Variants in CNOT10 observed in about 807,000 individuals in gnomAD.
The protein encoded by CNOT10 is CCR4-NOT transcription complex subunit 10.
A neutral mutation model predicts 94.6 loss-of-function variants in CNOT10; 30 were observed. The observed-to-expected ratio is 0.32, with a 90% confidence interval of 0.24 to 0.43. The LOEUF is 0.43. CNOT10 is among the 20% of genes least tolerant of loss of function. The pLI is 1.00. For missense variants in CNOT10, 759 were observed against 877.2 expected (o/e 0.87, Z 1.70); for synonymous variants, 289 against 301.6 (o/e 0.96, Z 0.43).
At chr3:32,701,447 C>T (rs1250348907) in intron 1 of CNOT10, among the ~76,000 whole-genome samples, 1 of 152,094 alleles carries the variant, frequency 6.6e-6, no homozygotes, top group Non-Finnish European at 1.5e-5. Flanking sequence ...CTAATGATAT[C>T]GTGTAGCTCT....
At chr3:32,764,430 C>CAAA in intron 15 of CNOT10, 25 bp from the exon 16 acceptor site, 1 of 1,612,576 alleles carries the variant, frequency 6.2e-7, no homozygotes. Flanking sequence ...TTCTGCCCCT[C>CAAA]AGATTTATTT....
chr3:32,690,492 C>T (rs977916987), intron 1 of CNOT10, among the ~76,000 whole-genome samples: 1 of 152,132 alleles, frequency 6.6e-6, no homozygotes, highest in African/African-American at 2.4e-5. Context: ...TTAAGCAATC[C>T]TCTTGCCTTA....
rs1030733432 is a variant in CNOT10, at chr3:32,770,388, C to T, written c.2080+426C>T. Among the ~76,000 whole-genome samples the T allele has an allele frequency of 8.0e-4, 108 of 135,584 alleles. No individual in the cohort carries two copies. The Middle Eastern group carries it at 0.016, about 20-fold the overall frequency. The allele number at this position is 135,584 out of a possible 152,430, so 88.9% of individuals were successfully genotyped here. On this transcript the variant is annotated intron_variant, in intron 18 of 18. Coordinates refer to ENST00000328834, the MANE Select transcript of CNOT10 (RefSeq NM_015442.3). The stretch of plus-strand genomic sequence containing the variant: ...TAGCCCAGGCTGGAGTGCAGTGGCG[C>T]GATCTCGGCTCACTGCAAGTTCCGC...
intron 14 of CNOT10, among the ~76,000 whole-genome samples, chr3:32,760,521 A>G (rs1168842147): frequency 1.3e-5 from 2 of 151,966 alleles, no homozygotes; most frequent in African/African-American, 4.8e-5. Context: ...AATTCCAGCT[A>G]CTCGGGAAGT....
chr3:32,736,248 G>C (rs563396153), intron 12 of CNOT10, among the ~76,000 whole-genome samples: 2 of 151,896 alleles, frequency 1.3e-5, no homozygotes, highest in African/African-American at 4.8e-5. Flanking sequence ...CACTATGCCC[G>C]GCTAATTTTT....
chr3:32,690,532 G>A (rs1046213375), intron 1 of CNOT10, among the ~76,000 whole-genome samples: 6 of 151,130 alleles, frequency 4.0e-5, no homozygotes, highest in African/African-American at 1.5e-4. Flanking sequence ...CTACGGGTGT[G>A]TACTACTGTA....
chr3:32,704,829 T>C lies in CNOT10; in HGVS notation c.136T>C (p.Cys46Arg). ...TTTTTAGTCTGGAAATTATGATGCC[T>C]GTCTACAACACCTTGCCTGTCTACA... is the stretch of plus-strand genomic sequence containing the variant. Reference protein sequence around the residue: ...QAFTSGNYDACLQHLACLQDI... With the variant: ...QAFTSGNYDARLQHLACLQDI... Residue 46 changes from cysteine to arginine, a missense_variant, in exon 3 of 19, where the codon TGT becomes CGT. By Grantham distance (180) the Cys-to-Arg change is radical (BLOSUM62 -3). Transcript: ENST00000328834. The C allele has an allele frequency of 6.4e-7, 1 of 1,562,494 alleles. No individual in the cohort carries two copies. The highest frequency in any genetic ancestry group is 8.6e-7 in the Non-Finnish European group (1 of 1,164,518).
intron 13 of CNOT10, among the ~76,000 whole-genome samples, chr3:32,745,848 A>G (rs1016363129): frequency 6.6e-6 from 1 of 152,140 alleles, no homozygotes; most frequent in Admixed American, 6.6e-5. Flanking sequence ...AAAATTGGCC[A>G]GGCATGGTGC....
chr3:32,761,333 G>A (rs2125634383), intron 14 of CNOT10, among the ~76,000 whole-genome samples: 1 of 152,196 alleles, frequency 6.6e-6, no homozygotes, highest in East Asian at 1.9e-4. Flanking sequence ...GCCAATGTTG[G>A]GAATTGCAGC....
At position 32,713,344 on chromosome 3, in the gene CNOT10, A is replaced by G; in HGVS notation, c.548A>G (p.Asn183Ser). 6.3e-7 allele frequency: 1 copy of G among 1,597,364 alleles called. No individual in the cohort carries two copies. The highest frequency in any genetic ancestry group is 8.5e-7 in the Non-Finnish European group (1 of 1,176,038). Residue 183 changes from asparagine (N) to serine (S), a missense_variant, in exon 5 of 19, where the codon AAC becomes AGC. Physicochemically the swap from Asn to Ser is conservative, Grantham distance 46. Coordinates refer to ENST00000328834, the MANE Select transcript of CNOT10 (RefSeq NM_015442.3). ...AVLEKMISQGNNNKNGKNETG... is the reference protein window; with the variant it reads ...AVLEKMISQGSNNKNGKNETG... ...CTAGAAAAAATGATTTCACAGGGTAACAATAACAAAAATGGAAAGAATGAG... is the reference window on the plus strand; with the variant it reads ...CTAGAAAAAATGATTTCACAGGGTAGCAATAACAAAAATGGAAAGAATGAG...
At chr3:32,760,825 T>G (rs541426255) in intron 14 of CNOT10, among the ~76,000 whole-genome samples, 132 of 151,980 alleles carry the variant, frequency 8.7e-4, no homozygotes, top group Non-Finnish European at 1.5e-3. Context: ...CTAGTGTTTT[T>G]GTTTTTTTTT....
In CNOT10 at chr3:32,725,618, G is replaced by T; in HGVS notation, c.1012+19G>T. ...GATCCAGGTAAGCCCAGTACTGGGGGACAGTTTGTATTTACTACTTCAGAA... is the reference window on the plus strand; with the variant it reads ...GATCCAGGTAAGCCCAGTACTGGGGTACAGTTTGTATTTACTACTTCAGAA... On this transcript the variant is annotated intron_variant, in intron 9 of 18. Transcript: ENST00000328834. 6.3e-7 allele frequency: 1 copy of T among 1,584,634 alleles called. No individual in the cohort carries two copies. The highest frequency in any genetic ancestry group is 8.6e-7 in the Non-Finnish European group (1 of 1,166,610).
intron 4 of CNOT10, among the ~76,000 whole-genome samples, chr3:32,711,895 A>G (rs1697905869): frequency 6.6e-6 from 1 of 152,224 alleles, no homozygotes; most frequent in Non-Finnish European, 1.5e-5. Flanking sequence ...TTGGAGATAT[A>G]TGACCTTTGC....
At chr3:32,733,396 T>A in intron 10 of CNOT10, 27 bp from the exon 11 acceptor site, 1 of 1,520,178 alleles carries the variant, frequency 6.6e-7, no homozygotes, top group Non-Finnish European at 8.9e-7. Flanking sequence ...TCCCTTAAAT[T>A]TATTGGAAAT....
intron 13 of CNOT10, among the ~76,000 whole-genome samples, chr3:32,756,591 GA>G (rs1700233986): frequency 6.6e-6 from 1 of 152,184 alleles, no homozygotes; most frequent in Non-Finnish European, 1.5e-5. Flanking sequence ...GTGGGAGCTG[GA>G]AAAGAGTTGG....
Position 32,716,739 on chromosome 3 carries a change from C to A in CNOT10, c.661-415C>A, listed in dbSNP as rs188856797. ...CTCGGCTCGCTGCAACCTCTGCCTC[C>A]CAGTTTCAAGCGATTCTCCTGCCTC... On this transcript the variant is annotated intron_variant, in intron 6 of 18. Transcript: ENST00000328834. Among the ~76,000 whole-genome samples, 23 of 152,216 alleles carry A rather than the reference C, an allele frequency of 1.5e-4. 1 individual carries two copies. The highest frequency in any genetic ancestry group is 1.4e-3 in the Admixed American group (21 of 15,282).
chr3:32,703,212 CCG>C (rs1306258224), intron 1 of CNOT10, among the ~76,000 whole-genome samples: 2 of 151,820 alleles, frequency 1.3e-5, no homozygotes, highest in Non-Finnish European at 2.9e-5. Context: ...GCGTGAGCCA[CCG>C]TGCCTGGCAA....
intron 13 of CNOT10, among the ~76,000 whole-genome samples, chr3:32,749,405 ATTTTTTTT>A (rs61077906): frequency 2.4e-4 from 23 of 96,306 alleles, no homozygotes; most frequent in African/African-American, 9.6e-4. Context: ...TGTTGAGTTA[ATTTTTTTT>A]TTTTTTTTTT....
intron 1 of CNOT10, among the ~76,000 whole-genome samples, chr3:32,698,111 T>A (rs1697164128): frequency 6.6e-6 from 1 of 152,200 alleles, no homozygotes; most frequent in South Asian, 2.1e-4. Context: ...ATGTATTGGA[T>A]AAACAGTATG....
Sources: allele counts gnomAD v4.1 joint callset (sites outside exome capture counted in the v4.1 genomes callset), GRCh38; gene constraint gnomAD v4.1.1; transcripts MANE v1.5; gene names NCBI Gene and HGNC (gene_info 2026-07-23, HGNC 2026-07-21).